Variants in DAPK2 observed in about 807,000 individuals in gnomAD.
DAPK2 encodes death-associated protein kinase 2.
Under a neutral mutation model 44.1 loss-of-function variants are expected in DAPK2, and 35 were observed. The observed-to-expected ratio is 0.79, with a 90% CI of 0.61 to 1.05. The LOEUF (loss-of-function observed/expected upper bound fraction) is 1.05, where lower values mean the gene tolerates loss of function less well. DAPK2 is among the 50% of genes least tolerant of loss of function. DAPK2 has a pLI of 0.00. For missense variants in DAPK2, 453 were observed against 483.2 expected (o/e 0.94, Z 0.59); for synonymous variants, 174 against 182.6 (o/e 0.95, Z 0.38).
At position 64,020,999 on chromosome 15, in the gene DAPK2, G is replaced by A. The variant is rs1284398339; in HGVS notation, c.92+19171C>T. Among the ~76,000 whole-genome samples, 5 of 152,210 alleles carry A rather than the reference G, an allele frequency of 3.3e-5. No individual in the cohort carries two copies. The highest frequency in any genetic ancestry group is 1.9e-4 in the East Asian group (1 of 5,198). Reference sequence around the variant, plus strand: ...GAAGCAAGTTCTTTACTCCAAGTCCGTGGCGATGGGCCAGATGCCACAGAT... The same window carrying A: ...GAAGCAAGTTCTTTACTCCAAGTCCATGGCGATGGGCCAGATGCCACAGAT... On this transcript the variant is annotated intron_variant, in intron 1 of 10. Coordinates refer to ENST00000261891, the Ensembl canonical transcript of DAPK2. This position sits in a 1 kb window ranked among gnomAD's most constrained non-coding sequence, Gnocchi z 4.5.
chr15:63,998,747 T>A (rs1438530867), intron 1 of DAPK2, among the ~76,000 whole-genome samples: 1 of 152,212 alleles, frequency 6.6e-6, no homozygotes, highest in Non-Finnish European at 1.5e-5. Flanking sequence ...CTGTTCTGTC[T>A]ACTTCCCGGA....
intron 8 of DAPK2, among the ~76,000 whole-genome samples, chr15:63,914,203 C>T (rs1038624916): frequency 6.6e-6 from 1 of 150,746 alleles, no homozygotes; most frequent in Non-Finnish European, 1.5e-5. Context: ...GCCCAGGAGT[C>T]AGTAGGATGT....
intron 4 of DAPK2, chr15:63,932,569 T>G (rs1421803568): frequency 2.0e-5 from 3 of 151,652 alleles, no homozygotes; most frequent in Non-Finnish European, 4.4e-5. Context: ...TAGATGACAC[T>G]TTTTAAAAGC....
At chr15:64,016,928 G>A (rs2079549456) in intron 1 of DAPK2, among the ~76,000 whole-genome samples, 1 of 152,046 alleles carries the variant, frequency 6.6e-6, no homozygotes, top group African/African-American at 2.4e-5. Flanking sequence ...CCAGCATATG[G>A]CCTGCATACA....
chr15:64,008,559 G>A (rs2079301044), intron 1 of DAPK2, among the ~76,000 whole-genome samples: 1 of 152,168 alleles, frequency 6.6e-6, no homozygotes, highest in African/African-American at 2.4e-5. Flanking sequence ...CTCCACTAAG[G>A]AACAGCTTTG....
chr15:63,966,907 G>A lies in DAPK2; in HGVS notation c.453+4516C>T, dbSNP rs1366453632. Among the ~76,000 whole-genome samples the A allele has an allele frequency of 3.3e-5, 5 of 152,158 alleles. No homozygotes were observed. Among genetic ancestry groups the A allele is most frequent in the East Asian group, 1.9e-4 (1 of 5,202 alleles). On this transcript the variant is annotated intron_variant, in intron 3 of 10. Coordinates refer to ENST00000261891, the Ensembl canonical transcript of DAPK2. This position sits in a 1 kb window ranked among gnomAD's most constrained non-coding sequence, Gnocchi z 5.5. ...TAAAACCAGGTACTGTGGGCCGGGC[G>A]CAGTGGCTCACACCTGTAATCCCAG...
Position 63,939,210 on chromosome 15 carries a change from G to A in DAPK2, c.583+22C>T. ...TTTGATGCCAGATTCTTAGCTGAAAGACAAACAGGCCTACAACTCACCAAC... is the reference window on the plus strand; with the variant it reads ...TTTGATGCCAGATTCTTAGCTGAAAAACAAACAGGCCTACAACTCACCAAC... On this transcript the variant is annotated intron_variant, in intron 4 of 10. Coordinates refer to ENST00000261891, the Ensembl canonical transcript of DAPK2. This position sits in a 1 kb window ranked among gnomAD's most constrained non-coding sequence, Gnocchi z 4.3. The A allele has an allele frequency of 6.2e-7, 1 of 1,611,550 alleles. No individual in the cohort carries two copies.
chr15:63,984,667 C>G (rs559281115), intron 1 of DAPK2, among the ~76,000 whole-genome samples: 2 of 152,284 alleles, frequency 1.3e-5, no homozygotes, highest in Non-Finnish European at 2.9e-5. Context: ...CATCATTGCC[C>G]CATGTTTTCT....
intron 1 of DAPK2, among the ~76,000 whole-genome samples, chr15:64,026,861 G>A (rs1375844105): frequency 6.6e-6 from 1 of 152,216 alleles, no homozygotes; most frequent in African/African-American, 2.4e-5. Flanking sequence ...TAGAGTCTCT[G>A]AGCCTCCTTT....
At position 63,908,602 on chromosome 15, in the gene DAPK2, T is replaced by C. The variant is rs765505476; in HGVS notation, c.1033-2A>G. ...CTCAGTGTCACTCTCACAGTTCCTCTGGAGAAAAAAAAGAGAAAGAGGTCC... is the reference window on the plus strand; with the variant it reads ...CTCAGTGTCACTCTCACAGTTCCTCCGGAGAAAAAAAAGAGAAAGAGGTCC... On this transcript the variant is annotated splice_acceptor_variant, in intron 10 of 10. Transcript: ENST00000261891. LOFTEE classifies it high-confidence loss of function. This position sits in a 1 kb window ranked among gnomAD's most constrained non-coding sequence, Gnocchi z 5.7. 15 of 1,591,740 alleles carry C rather than the reference T, an allele frequency of 9.4e-6. No homozygotes were observed. Among genetic ancestry groups the C allele is most frequent in the Non-Finnish European group, 1.3e-5 (15 of 1,171,292 alleles).
chr15:63,948,549 C>G (rs934298145), intron 3 of DAPK2, among the ~76,000 whole-genome samples: 1 of 152,106 alleles, frequency 6.6e-6, no homozygotes, highest in Non-Finnish European at 1.5e-5. Context: ...CCCCCAAGAT[C>G]CAGTCACCTC....
At chr15:63,967,696 GA>G (rs1002219376) in intron 3 of DAPK2, among the ~76,000 whole-genome samples, 1 of 151,140 alleles carries the variant, frequency 6.6e-6, no homozygotes. Context: ...GTCTCAAAAA[GA>G]AAAAAAAATA....
intron 1 of DAPK2, among the ~76,000 whole-genome samples, chr15:64,002,958 G>GGGA (rs1567266499): frequency 2.6e-5 from 3 of 113,482 alleles, no homozygotes; most frequent in Admixed American, 9.2e-5. Context: ...GTGTGTGTGT[G>GGGA]TGTGTGTCGT....
chr15:63,958,839 T>C (rs762606309), intron 3 of DAPK2, among the ~76,000 whole-genome samples: 29 of 152,208 alleles, frequency 1.9e-4, no homozygotes, highest in African/African-American at 6.5e-4. Context: ...CAATGTGGGG[T>C]CTTTTTTGGT....
chr15:63,932,133 C>T (rs1216874371), intron 4 of DAPK2, among the ~76,000 whole-genome samples: 10 of 141,450 alleles, frequency 7.1e-5, no homozygotes, highest in Non-Finnish European at 1.1e-4. Flanking sequence ...TGCCACTGCA[C>T]GCCAGCCTGG....
intron 1 of DAPK2, among the ~76,000 whole-genome samples, chr15:64,025,856 G>A (rs550821424): frequency 2.0e-5 from 3 of 152,192 alleles, no homozygotes; most frequent in Non-Finnish European, 4.4e-5. Context: ...TATTGCGGGG[G>A]ATGGATAACA....
chr15:63,987,480 G>C (rs2078697777), intron 1 of DAPK2, among the ~76,000 whole-genome samples: 1 of 152,150 alleles, frequency 6.6e-6, no homozygotes, highest in Non-Finnish European at 1.5e-5. Context: ...ACTGGAATCT[G>C]GTATACATAT....
In DAPK2 at chr15:63,908,680, G is replaced by A. The variant is rs2078706909; in HGVS notation, c.1033-80C>T. 1 of 1,269,772 alleles carries A rather than the reference G, an allele frequency of 7.9e-7. No homozygotes were observed. The highest frequency in any genetic ancestry group is 1.1e-6 in the Non-Finnish European group (1 of 940,710). 78.7% of individuals were successfully genotyped at this position (1,269,772 alleles called of 1,614,324 possible). On this transcript the variant is annotated intron_variant, in intron 10 of 10. Transcript: ENST00000261891. The surrounding 1 kb of genome is among the most constrained non-coding windows in gnomAD (Gnocchi z 5.7). The stretch of plus-strand genomic sequence containing the variant: ...AATGGGGCTGTGCTGGGCAACCTGG[G>A]TTGATTCACCTGGACCACGGGACTA...
At chr15:63,948,601 A>G (rs1285670055) in intron 3 of DAPK2, among the ~76,000 whole-genome samples, 1 of 152,048 alleles carries the variant, frequency 6.6e-6, no homozygotes, top group Non-Finnish European at 1.5e-5. Flanking sequence ...ACAATTCAAC[A>G]CGAGATTTAG....
Sources: allele counts gnomAD v4.1 joint callset (sites outside exome capture counted in the v4.1 genomes callset), GRCh38; gene constraint gnomAD v4.1.1; non-coding constraint Gnocchi (gnomAD v3.1); transcripts MANE v1.5; gene names NCBI Gene and HGNC (gene_info 2026-07-23, HGNC 2026-07-21).